VTI1A: variants seen among roughly 807,000 people sequenced by gnomAD.
The protein encoded by VTI1A is vesicle transport through interaction with t-SNAREs 1A, also known as vesicle transport through interaction with t-SNAREs homolog 1A.
In VTI1A, 22 loss-of-function variants were observed where a neutral mutation model predicts 34.9. That is an observed-to-expected ratio of 0.63 (90% CI 0.45 to 0.90). The LOEUF (loss-of-function observed/expected upper bound fraction) is 0.90, where lower values mean the gene tolerates loss of function less well. Ranked by LOEUF, VTI1A falls within the 40% of genes least tolerant of loss-of-function variation. The probability of loss-of-function intolerance (pLI) is 0.00; values close to 1 mark genes in which losing one functional copy is unlikely to be tolerated. For synonymous variants in VTI1A, 87 were observed against 97.3 expected, an observed-to-expected ratio of 0.89 and a Z score of 0.62; for missense variants, 268 against 275.6, an observed-to-expected ratio of 0.97 and a Z score of 0.20.
intron 7 of VTI1A, among the ~76,000 whole-genome samples, chr10:112,740,589 A>G (rs1735916226): frequency 6.6e-6 from 1 of 152,216 alleles, no homozygotes; most frequent in South Asian, 2.1e-4. Flanking sequence ...CCATCCTTGA[A>G]CATTTTCTTT....
chr10:112,716,799 T>C (rs1016824873), intron 7 of VTI1A, among the ~76,000 whole-genome samples: 2 of 152,088 alleles, frequency 1.3e-5, no homozygotes, highest in African/African-American at 4.8e-5. Flanking sequence ...CAAAAAAAAT[T>C]AAAAACTCAA....
intron 7 of VTI1A, among the ~76,000 whole-genome samples, chr10:112,677,001 A>T (rs1848056470): frequency 6.6e-6 from 1 of 152,012 alleles, no homozygotes; most frequent in African/African-American, 2.4e-5. Flanking sequence ...GAATATAGCG[A>T]TTTTTTCATT....
the VTI1A span, among the ~76,000 whole-genome samples, chr10:112,829,808 G>A: frequency 6.6e-6 from 1 of 152,158 alleles, no homozygotes; most frequent in South Asian, 2.1e-4. Context: ...TATGAGAAAT[G>A]ATAAATGCTG....
chr10:112,841,899 A>G, the VTI1A span, among the ~76,000 whole-genome samples: 1 of 152,202 alleles, frequency 6.6e-6, no homozygotes, highest in African/African-American at 2.4e-5. Context: ...GCTTGCCACT[A>G]GGAATCTGCT....
intron 5 of VTI1A, among the ~76,000 whole-genome samples, chr10:112,624,884 G>T (rs1845863781): frequency 1.3e-5 from 2 of 152,080 alleles, no homozygotes; most frequent in Non-Finnish European, 2.9e-5. Context: ...ATCACTTGAG[G>T]CTGGGAGTTC....
intron 5 of VTI1A, among the ~76,000 whole-genome samples, chr10:112,614,904 A>T (rs1845459548): frequency 1.3e-5 from 2 of 151,572 alleles, no homozygotes; most frequent in Non-Finnish European, 1.5e-5. Context: ...ATGTGCCGTT[A>T]TTTTTTTTTC....
At chr10:112,729,542 T>C (rs1354958217) in intron 7 of VTI1A, among the ~76,000 whole-genome samples, 1 of 152,192 alleles carries the variant, frequency 6.6e-6, no homozygotes, top group Non-Finnish European at 1.5e-5. Context: ...GGTTAAGAAG[T>C]TATAGCTCTG....
intron 5 of VTI1A, among the ~76,000 whole-genome samples, chr10:112,566,107 A>C (rs986983220): frequency 6.6e-6 from 1 of 152,120 alleles, no homozygotes; most frequent in African/African-American, 2.4e-5. Flanking sequence ...AAATCTAGCT[A>C]TTTAGCATTC....
intron 7 of VTI1A, among the ~76,000 whole-genome samples, chr10:112,706,605 G>A (rs1849207841): frequency 6.6e-6 from 1 of 152,222 alleles, no homozygotes; most frequent in South Asian, 2.1e-4. Context: ...ATTGGTCCTT[G>A]TGAAAGGATT....
chr10:112,719,735 G>A (rs538813443), intron 7 of VTI1A, among the ~76,000 whole-genome samples: 1 of 152,016 alleles, frequency 6.6e-6, no homozygotes, highest in African/African-American at 2.4e-5. Flanking sequence ...TAGTAGAGAC[G>A]GGGTTTCTCC....
intron 3 of VTI1A, among the ~76,000 whole-genome samples, chr10:112,503,966 G>T (rs2134161526): frequency 6.6e-6 from 1 of 152,276 alleles, no homozygotes; most frequent in East Asian, 1.9e-4. Flanking sequence ...CAAAAATGGG[G>T]ATTCCTTCTT....
At chr10:112,707,328 C>A (rs903975848) in intron 7 of VTI1A, among the ~76,000 whole-genome samples, 1 of 152,050 alleles carries the variant, frequency 6.6e-6, no homozygotes, top group Non-Finnish European at 1.5e-5. Flanking sequence ...GCCACCACAC[C>A]AGGCTAACTA....
intron 5 of VTI1A, among the ~76,000 whole-genome samples, chr10:112,571,984 AGGG>A (rs923197797): frequency 1.3e-5 from 2 of 152,168 alleles, no homozygotes; most frequent in African/African-American, 4.8e-5. Context: ...GACAACTAGA[AGGG>A]GGAGAGAGGA....
chr10:112,587,124 A>G (rs574920168), intron 5 of VTI1A, among the ~76,000 whole-genome samples: 1 of 152,282 alleles, frequency 6.6e-6, no homozygotes, highest in East Asian at 1.9e-4. Flanking sequence ...ACAGGGATCA[A>G]CATCTGTTGC....
Position 112,656,751 on chromosome 10 carries a change from C to T in VTI1A, c.428-11467C>T, listed in dbSNP as rs537062364. Among the ~76,000 whole-genome samples, 14 of 152,054 alleles carry T rather than the reference C, an allele frequency of 9.2e-5. No homozygotes were observed. The East Asian group carries it at 1.5e-3, about 17-fold the overall frequency. On this transcript the variant is annotated intron_variant, in intron 5 of 7. Transcript: ENST00000393077. ...AATTTTCCCTTCTCATGATTTCCTGCGGGATATTTCTTAAAACTTGATCAT... is the reference window on the plus strand; with the variant it reads ...AATTTTCCCTTCTCATGATTTCCTGTGGGATATTTCTTAAAACTTGATCAT...
At chr10:112,548,249 G>T (rs1262576831) in intron 5 of VTI1A, among the ~76,000 whole-genome samples, 1 of 152,076 alleles carries the variant, frequency 6.6e-6, no homozygotes, top group Non-Finnish European at 1.5e-5. Context: ...AATTCATTCA[G>T]AAATTTGAGT....
chr10:112,636,725 T>A (rs1324484632), intron 5 of VTI1A, among the ~76,000 whole-genome samples: 1 of 89,580 alleles, frequency 1.1e-5, no homozygotes, highest in Non-Finnish European at 2.6e-5. Context: ...CAAGACTCGA[T>A]CTCAAAAAAA....
chr10:112,827,396 A>T, the VTI1A span: 1 of 151,826 alleles, frequency 6.6e-6, no homozygotes, highest in Admixed American at 6.6e-5. Flanking sequence ...AACCGGGGAG[A>T]TGGAGGAAAG....
chr10:112,475,748 T>C (rs1298386323), intron 3 of VTI1A, among the ~76,000 whole-genome samples: 3 of 152,192 alleles, frequency 2.0e-5, no homozygotes, highest in African/African-American at 4.8e-5. Context: ...CCAGATAAGA[T>C]TTTGAGAGAT....
Sources: gnomAD v4.1 joint callset for allele counts (sites outside exome capture counted in the v4.1 genomes callset) on GRCh38, gnomAD v4.1.1 for gene constraint, MANE v1.5 for transcripts, NCBI Gene and HGNC (gene_info 2026-07-23, HGNC 2026-07-21) for gene names.